The following CEP63 variants were observed in gnomAD, a reference collection of about 807,000 sequenced individuals.
The protein encoded by CEP63 is centrosomal protein 63.
Under a neutral mutation model 89.1 loss-of-function variants are expected in CEP63, and 84 were observed. The ratio of observed to expected loss-of-function variants is 0.94; its 90% CI spans 0.79 to 1.13. CEP63 has a LOEUF of 1.13. Ranked by LOEUF, CEP63 falls within the 50% of genes most tolerant of loss-of-function variation. CEP63 has a pLI of 0.00. For synonymous variants in CEP63, 267 were observed against 272.5 expected, an observed-to-expected ratio of 0.98 and a Z score of 0.20; for missense variants, 838 against 813.3, an observed-to-expected ratio of 1.03 and a Z score of -0.37.
Position 134,557,376 on chromosome 3 carries a change from G to GTTTTT in CEP63, c.1468-742_1468-738dup, listed in dbSNP as rs199930556. On this transcript the variant is annotated intron_variant, in intron 12 of 14. Coordinates refer to ENST00000675561, the MANE Select transcript of CEP63 (RefSeq NM_001353108.3). ...CTTGACCAGCTTACTTTCATAATTT[G>GTTTTT]TTTTTTTTTTTTTTTTTTTTTTTTT... Among the ~76,000 whole-genome samples, 20 of 101,496 alleles carry GTTTTT rather than the reference G, an allele frequency of 2.0e-4. 5 individuals are homozygous for GTTTTT. Among genetic ancestry groups the GTTTTT allele is most frequent in the African/African-American group, 9.4e-4 (19 of 20,276 alleles). The allele number at this position is 101,496 out of a possible 152,430, so 66.6% of individuals were successfully genotyped here.
the CEP63 span, among the ~76,000 whole-genome samples, chr3:134,703,125 C>A: frequency 6.6e-6 from 1 of 151,956 alleles, no homozygotes; most frequent in African/African-American, 2.4e-5. Context: ...GAAACCCCAT[C>A]TCTACTAAAA....
At chr3:134,703,851 A>T in the CEP63 span, among the ~76,000 whole-genome samples, 1 of 152,216 alleles carries the variant, frequency 6.6e-6, no homozygotes, top group African/African-American at 2.4e-5. Flanking sequence ...TTACTTCTAC[A>T]TGTTGTGGCA....
chr3:134,592,260 G>A (rs1316063032), downstream of CEP63, among the ~76,000 whole-genome samples: 1 of 152,196 alleles, frequency 6.6e-6, no homozygotes, highest in African/African-American at 2.4e-5. Flanking sequence ...GTGATCTGGA[G>A]AGAATAAGGA....
chr3:134,573,274 TTTTG>T lies in CEP63; in HGVS notation c.1330-1515_1330-1512del, dbSNP rs1184146416. Among the ~76,000 whole-genome samples, 8 of 152,304 alleles carry T rather than the reference TTTTG, an allele frequency of 5.3e-5. No homozygotes were observed. In the East Asian group the frequency reaches 7.7e-4, roughly 15 times the overall value. ...GTTTAATTAGGTCCCACTTGTCAATTTTTGTTTTTGTTGCCGTTGCTTTTGGGGA... is the reference window on the plus strand; with the variant it reads ...GTTTAATTAGGTCCCACTTGTCAATTTTTTTGTTGCCGTTGCTTTTGGGGA... On this transcript the variant is annotated intron_variant, in intron 11 of 11. Coordinates refer to the CEP63 transcript ENST00000354446.
chr3:134,692,891 G>C, the CEP63 span, among the ~76,000 whole-genome samples: 1 of 152,106 alleles, frequency 6.6e-6, no homozygotes, highest in Non-Finnish European at 1.5e-5. Context: ...GGTTAGCCTG[G>C]CATTCCCGCT....
chr3:134,514,457 G>A lies in CEP63; in HGVS notation c.222+7171G>A, dbSNP rs191338908. Among the ~76,000 whole-genome samples, 510 of 152,266 alleles carry A rather than the reference G, an allele frequency of 3.3e-3. 1 individual carries two copies. The highest frequency in any genetic ancestry group is 5.3e-3 in the Non-Finnish European group (358 of 68,014). ...TTTTGCCAAAAGTGAGGAAGGTCAA[G>A]TATTTAAGAAGTCCAAGAATCTCAA... On this transcript the variant is annotated intron_variant, in intron 3 of 14. Coordinates refer to ENST00000675561, the MANE Select transcript of CEP63 (RefSeq NM_001353108.3).
At chr3:134,780,419 C>T in the CEP63 span, 94,053 of 152,104 alleles carry the variant, frequency 0.62, 31,740 homozygotes, top group East Asian at 0.87. Flanking sequence ...TTCCTCTTCC[C>T]CCATCCCCTG....
chr3:134,610,271 C>T, the CEP63 span: 3 of 1,613,966 alleles, frequency 1.9e-6, no homozygotes, highest in South Asian at 2.2e-5. Flanking sequence ...CATCTTCCCT[C>T]CAGGTACACA....
At chr3:134,705,602 A>G in the CEP63 span, among the ~76,000 whole-genome samples, 62 of 152,188 alleles carry the variant, frequency 4.1e-4, no homozygotes, top group Non-Finnish European at 9.1e-4. Context: ...GTCTCAATAC[A>G]GCCAGGGTTT....
At chr3:134,652,461 C>T in the CEP63 span, among the ~76,000 whole-genome samples, 3 of 150,746 alleles carry the variant, frequency 2.0e-5, no homozygotes, top group Admixed American at 2.0e-4. Flanking sequence ...CCCACCACCC[C>T]ACCCCCTGAC....
the CEP63 span, among the ~76,000 whole-genome samples, chr3:134,711,766 CTT>C: frequency 2.1e-4 from 30 of 139,796 alleles, no homozygotes; most frequent in Admixed American, 2.8e-4. Flanking sequence ...CTTTTCTTTT[CTT>C]TTTTTTTTTT....
chr3:134,524,706 C>G (rs1463735218), intron 3 of CEP63, among the ~76,000 whole-genome samples: 1 of 152,142 alleles, frequency 6.6e-6, no homozygotes, highest in Admixed American at 6.5e-5. Context: ...TCTGTCGAGC[C>G]AACCTTGCAT....
chr3:134,540,027 GGA>G (rs1344213361), intron 6 of CEP63, among the ~76,000 whole-genome samples: 1 of 152,114 alleles, frequency 6.6e-6, no homozygotes, highest in African/African-American at 2.4e-5. Flanking sequence ...GAATGGGAAA[GGA>G]GGGGTAGTTG....
the CEP63 span, chr3:134,619,268 A>G: frequency 6.2e-7 from 1 of 1,609,236 alleles, no homozygotes; most frequent in Non-Finnish European, 8.5e-7. Context: ...GTCATACTCT[A>G]TAGGGCAGGT....
chr3:134,601,617 T>A, the CEP63 span, among the ~76,000 whole-genome samples: 1 of 152,192 alleles, frequency 6.6e-6, no homozygotes, highest in East Asian at 1.9e-4. Flanking sequence ...CTTTGTGCAT[T>A]TTTCAGGTGT....
At chr3:134,725,213 A>T in the CEP63 span, among the ~76,000 whole-genome samples, 1 of 152,168 alleles carries the variant, frequency 6.6e-6, no homozygotes, top group Non-Finnish European at 1.5e-5. Context: ...TGTCATTGAT[A>T]TTTGTCATCA....
the CEP63 span, among the ~76,000 whole-genome samples, chr3:134,701,325 C>CGTATATATGTGT: frequency 8.9e-4 from 34 of 38,266 alleles, 4 homozygotes; most frequent in South Asian, 6.5e-3. Flanking sequence ...TGTATATATA[C>CGTATATATGTGT]ATATACACAC....
At chr3:134,582,562 C>G (rs1436190977) in intron 10 of CEP63, among the ~76,000 whole-genome samples, 1 of 152,210 alleles carries the variant, frequency 6.6e-6, no homozygotes, top group East Asian at 1.9e-4. Context: ...CCCACATTTT[C>G]TTAATCCAGT....
chr3:134,521,770 C>T (rs1210665843), intron 3 of CEP63, among the ~76,000 whole-genome samples: 2 of 151,758 alleles, frequency 1.3e-5, no homozygotes, highest in African/African-American at 4.8e-5. Flanking sequence ...ATCAATAGTC[C>T]AATTAACTAA....
Sources: allele counts gnomAD v4.1 joint callset (sites outside exome capture counted in the v4.1 genomes callset), GRCh38; gene constraint gnomAD v4.1.1; transcripts MANE v1.5; gene names NCBI Gene and HGNC (gene_info 2026-07-23, HGNC 2026-07-21).